SLC2A1: variants seen among roughly 807,000 people sequenced by gnomAD.
SLC2A1 encodes the protein solute carrier family 2 member 1, also known as solute carrier family 2, facilitated glucose transporter member 1.
SLC2A1 carries 4 observed loss-of-function variants against 46.6 expected under a neutral mutation model. That is an observed-to-expected ratio of 0.09 (90% CI 0.04 to 0.20). SLC2A1 has a LOEUF of 0.20. Among genes scored for constraint, SLC2A1 ranks in the 10% least tolerant of loss-of-function variants. SLC2A1 has a pLI of 1.00. For synonymous variants in SLC2A1, 253 were observed against 270.0 expected, an observed-to-expected ratio of 0.94 and a Z score of 0.62; for missense variants, 352 against 667.0, an observed-to-expected ratio of 0.53 and a Z score of 5.20.
intron 1 of SLC2A1, among the ~76,000 whole-genome samples, chr1:42,944,608 G>A (rs1643631056): frequency 7.8e-6 from 1 of 127,424 alleles, no homozygotes; most frequent in African/African-American, 4.0e-5. Flanking sequence ...TCCCAGTATG[G>A]TCTTTTCATT....
At chr1:42,941,760 A>G (rs945451177) in intron 2 of SLC2A1, among the ~76,000 whole-genome samples, 1 of 152,144 alleles carries the variant, frequency 6.6e-6, no homozygotes, top group Non-Finnish European at 1.5e-5. Flanking sequence ...CAGACTTTCC[A>G]TCTGTAAGGA....
intron 2 of SLC2A1, among the ~76,000 whole-genome samples, chr1:42,940,474 G>A (rs917668284): frequency 6.6e-6 from 1 of 152,186 alleles, no homozygotes; most frequent in Non-Finnish European, 1.5e-5. Flanking sequence ...CTGGCCCTTC[G>A]ATGGCTTACA....
In SLC2A1 at chr1:42,930,926, G is replaced by A. The variant is rs1156306672; in HGVS notation, c.276-60C>T. On this transcript the variant is annotated intron_variant, in intron 3 of 9. Coordinates refer to ENST00000426263, the MANE Select transcript of SLC2A1 (RefSeq NM_006516.4). The surrounding 1 kb of genome is among the most constrained non-coding windows in gnomAD (Gnocchi z 6.2). The stretch of plus-strand genomic sequence containing the variant: ...CATTCCTTGGGCTCCGAGGGGCTGG[G>A]TCAGAGGTAATACCCTGGAACAGGC... The A allele has an allele frequency of 2.5e-6, 4 of 1,605,252 alleles. No individual in the cohort carries two copies. Among genetic ancestry groups the A allele is most frequent in the Non-Finnish European group, 3.4e-6 (4 of 1,179,502 alleles).
chr1:42,932,523 C>T (rs1643502747), intron 2 of SLC2A1, among the ~76,000 whole-genome samples: 1 of 152,182 alleles, frequency 6.6e-6, no homozygotes, highest in East Asian at 1.9e-4. Flanking sequence ...CATCCCCTAC[C>T]ACTTACAGCT....
rs1643623125 is a variant in SLC2A1 at position 42,943,872 on chromosome 1, G to A, written c.19-551C>T. ...TCCCCTATCCTCCATTTGCTTGTCA[G>A]CAAAATGGCAACAGCTTCGTTTGTC... On this transcript the variant is annotated intron_variant, in intron 1 of 9. Transcript: ENST00000426263. 2.6e-5 allele frequency among the ~76,000 whole-genome samples: 4 copies of A among 152,164 alleles called. No homozygotes were observed. In the South Asian group the frequency reaches 8.3e-4, roughly 31 times the overall value.
chr1:42,938,479 A>T (rs1413982842), intron 2 of SLC2A1, among the ~76,000 whole-genome samples: 2 of 152,192 alleles, frequency 1.3e-5, no homozygotes, highest in Non-Finnish European at 2.9e-5. Context: ...TTGTAAACAT[A>T]TAAGGTAGTA....
chr1:42,927,244 G>A lies in SLC2A1; in HGVS notation c.1279-3C>T, dbSNP rs112656652. Reference sequence around the variant, plus strand: ...AAGACGTAGGGACCACACAGTTGCTGAAAGACACACAGACACACTTGGTTG... The same window carrying A: ...AAGACGTAGGGACCACACAGTTGCTAAAAGACACACAGACACACTTGGTTG... On this transcript the variant is annotated splice_region_variant and splice_polypyrimidine_tract_variant and intron_variant, in intron 9 of 9. Coordinates refer to ENST00000426263, the MANE Select transcript of SLC2A1 (RefSeq NM_006516.4). This position sits in a 1 kb window ranked among gnomAD's most constrained non-coding sequence, Gnocchi z 5.3. 2 of 1,613,682 alleles carry A rather than the reference G, an allele frequency of 1.2e-6. No homozygotes were observed. Among genetic ancestry groups the A allele is most frequent in the South Asian group, 1.1e-5 (1 of 91,058 alleles).
At chr1:42,957,423 G>A (rs931539865) in intron 1 of SLC2A1, among the ~76,000 whole-genome samples, 4 of 152,134 alleles carry the variant, frequency 2.6e-5, no homozygotes, top group African/African-American at 9.7e-5. Flanking sequence ...CAGTCTCAGC[G>A]GGACACCTCC....
chr1:42,953,024 T>C (rs1269731260), intron 1 of SLC2A1, among the ~76,000 whole-genome samples: 1 of 152,234 alleles, frequency 6.6e-6, no homozygotes, highest in Non-Finnish European at 1.5e-5. Context: ...GAAGTGTGGC[T>C]GGCCTAAGGT....
At chr1:42,958,570 C>A in intron 1 of SLC2A1, 64 bp downstream of exon 1, 2 of 1,418,528 alleles carry the variant, frequency 1.4e-6, no homozygotes, top group South Asian at 1.3e-5. Flanking sequence ...CCCTGGCCGG[C>A]GTAAGGCGGG....
In SLC2A1 at chr1:42,930,452, G is replaced by A; in HGVS notation, c.516+174C>T. On this transcript the variant is annotated intron_variant, in intron 4 of 9. Coordinates refer to ENST00000426263, the MANE Select transcript of SLC2A1 (RefSeq NM_006516.4). The surrounding 1 kb of genome is among the most constrained non-coding windows in gnomAD (Gnocchi z 6.2). ...CTGAGAAGAGTCAAGTCATCTTGCTGTCAACTGGGAGGCCATGGTGCTGTG... is the reference window on the plus strand; with the variant it reads ...CTGAGAAGAGTCAAGTCATCTTGCTATCAACTGGGAGGCCATGGTGCTGTG... 2.3e-6 allele frequency: 2 copies of A among 873,134 alleles called. No homozygotes were observed. The highest frequency in any genetic ancestry group is 3.8e-6 in the Non-Finnish European group (2 of 529,068). 54.1% of individuals were successfully genotyped at this position (873,134 alleles called of 1,614,324 possible). A position where few individuals can be genotyped will look rare whatever the true frequency, so the allele number is the denominator to read the frequency against.
At chr1:42,956,632 A>G (rs1557655880) in intron 1 of SLC2A1, among the ~76,000 whole-genome samples, 1 of 152,108 alleles carries the variant, frequency 6.6e-6, no homozygotes, top group African/African-American at 2.4e-5. Context: ...CAGATACACC[A>G]CTGTGAAAGA....
At chr1:42,933,487 C>T (rs1402460363) in intron 2 of SLC2A1, among the ~76,000 whole-genome samples, 1 of 152,096 alleles carries the variant, frequency 6.6e-6, no homozygotes, top group East Asian at 1.9e-4. Context: ...GCCAGGGATA[C>T]CTGGTGAGGA....
intron 1 of SLC2A1, among the ~76,000 whole-genome samples, chr1:42,948,523 G>A (rs1643682117): frequency 6.6e-6 from 1 of 152,196 alleles, no homozygotes; most frequent in Non-Finnish European, 1.5e-5. Flanking sequence ...CAACTGCTTA[G>A]TCCACGGCTC....
chr1:42,933,410 G>A (rs1221965986), intron 2 of SLC2A1, among the ~76,000 whole-genome samples: 1 of 152,056 alleles, frequency 6.6e-6, no homozygotes, highest in Non-Finnish European at 1.5e-5. Context: ...AGGTTTCCCT[G>A]ACTCCAGGAG....
chr1:42,936,545 C>T (rs1285987218), intron 2 of SLC2A1, among the ~76,000 whole-genome samples: 1 of 152,098 alleles, frequency 6.6e-6, no homozygotes, highest in Non-Finnish European at 1.5e-5. Context: ...GGGGAAGAGG[C>T]CCAGGTTGGG....
chr1:42,951,511 G>T (rs1432156436), intron 1 of SLC2A1: 2 of 218,894 alleles, frequency 9.1e-6, no homozygotes, highest in Non-Finnish European at 1.8e-5. Flanking sequence ...AAAGAACTAT[G>T]CAGAAAGTGG....
intron 1 of SLC2A1, among the ~76,000 whole-genome samples, chr1:42,949,872 T>C (rs2297974): frequency 0.067 from 10,178 of 152,216 alleles, 683 homozygotes; most frequent in African/African-American, 0.16. Context: ...CCAAATTCTA[T>C]GGCTTTCCTG....
rs1305582503 is a variant in SLC2A1, at chr1:42,925,601, A to AGTAT, written c.*1436_*1439dup. ...GAGCTGTCTTTAGAGATGAAGCAGTAGTATACAGAGGAACCAGAGGGGGCA... is the reference window on the plus strand; with the variant it reads ...GAGCTGTCTTTAGAGATGAAGCAGTAGTATGTATACAGAGGAACCAGAGGGGGCA... On this transcript the variant is annotated 3_prime_UTR_variant, in exon 10 of 10. Coordinates refer to ENST00000426263, the MANE Select transcript of SLC2A1 (RefSeq NM_006516.4). The AGTAT allele has an allele frequency of 2.6e-5, 4 of 152,256 alleles. No individual in the cohort carries two copies. Among genetic ancestry groups the AGTAT allele is most frequent in the Admixed American group, 2.6e-4 (4 of 15,284 alleles). The allele number at this position is 152,256 out of a possible 1,614,324, so 9.4% of individuals were successfully genotyped here. A position where few individuals can be genotyped will look rare whatever the true frequency, so the allele number is the denominator to read the frequency against.
Sources: allele counts gnomAD v4.1 joint callset (sites outside exome capture counted in the v4.1 genomes callset), GRCh38; gene constraint gnomAD v4.1.1; non-coding constraint Gnocchi (gnomAD v3.1); transcripts MANE v1.5; gene names NCBI Gene and HGNC (gene_info 2026-07-23, HGNC 2026-07-21).